Variants in VPS54 observed in about 807,000 individuals in gnomAD.
VPS54 encodes vacuolar protein sorting-associated protein 54.
Under a neutral mutation model 121.5 loss-of-function variants are expected in VPS54, and 45 were observed. That is an observed-to-expected ratio of 0.37 (90% CI 0.29 to 0.47). The LOEUF (loss-of-function observed/expected upper bound fraction) is 0.47, where lower values mean the gene tolerates loss of function less well. Among genes scored for constraint, VPS54 ranks in the 20% least tolerant of loss-of-function variants. The pLI, the probability that VPS54 is intolerant of heterozygous loss-of-function variation, is 0.99. For missense variants in VPS54, 1,090 were observed against 1,131.4 expected, an observed-to-expected ratio of 0.96 and a Z score of 0.52; for synonymous variants, 371 against 385.8, an observed-to-expected ratio of 0.96 and a Z score of 0.45.
At chr2:64,004,627 A>G (rs1213663405) in intron 1 of VPS54, among the ~76,000 whole-genome samples, 1 of 152,238 alleles carries the variant, frequency 6.6e-6, no homozygotes, top group Non-Finnish European at 1.5e-5. Flanking sequence ...ATCAGGAGTT[A>G]AGCTTTATTG....
At chr2:63,993,638 CTCGAAGT>C (rs1253805930) in intron 1 of VPS54, among the ~76,000 whole-genome samples, 1 of 152,186 alleles carries the variant, frequency 6.6e-6, no homozygotes, top group African/African-American at 2.4e-5. Context: ...TTTAAATCGG[CTCGAAGT>C]TCAAGTCACC....
chr2:63,921,237 C>T lies in VPS54; in HGVS notation c.1838G>A (p.Arg613Gln), dbSNP rs772193651. 2 of 1,609,216 alleles carry T rather than the reference C, an allele frequency of 1.2e-6. No homozygotes were observed. The highest frequency in any genetic ancestry group is 1.7e-6 in the Non-Finnish European group (2 of 1,177,204). Residue 613 changes from arginine (R) to glutamine (Q), a missense_variant, in exon 13 of 23, where the codon CGA becomes CAA. By Grantham distance (43) the Arg-to-Gln change is conservative. Around this residue, in one of 2 missense-constraint regions of VPS54, gnomAD observed 801 missense variants for 757.0 expected, o/e 1.06. Coordinates refer to ENST00000272322, the MANE Select transcript of VPS54 (RefSeq NM_016516.3). ...TCTTGACATGAGAAATTTGACAGCT[C>T]GATCATGGCATATATCTGAGGCACT... ...LYSASDICHDRAVKFLMSRAK... is the reference protein window; with the variant it reads ...LYSASDICHDQAVKFLMSRAK...
At chr2:63,907,749 T>C (rs1298617359) in intron 20 of VPS54, among the ~76,000 whole-genome samples, 1 of 152,112 alleles carries the variant, frequency 6.6e-6, no homozygotes, top group Non-Finnish European at 1.5e-5. Flanking sequence ...AACAACCTAA[T>C]ATTTTTAAAT....
chr2:63,905,632 T>G (rs73937433), intron 20 of VPS54, among the ~76,000 whole-genome samples: 4,148 of 152,196 alleles, frequency 0.027, 198 homozygotes, highest in African/African-American at 0.094. Flanking sequence ...TCCCCACAAA[T>G]TCTTCTTCCA....
chr2:63,965,383 G>A (rs1675946382), intron 6 of VPS54, among the ~76,000 whole-genome samples: 1 of 152,170 alleles, frequency 6.6e-6, no homozygotes, highest in Non-Finnish European at 1.5e-5. Flanking sequence ...GGATGAGGAA[G>A]GAGAATTGCT....
chr2:63,926,612 T>C (rs1673916006), intron 12 of VPS54, among the ~76,000 whole-genome samples: 1 of 152,164 alleles, frequency 6.6e-6, no homozygotes, highest in Admixed American at 6.5e-5. Context: ...CTGAGGTACC[T>C]GGTTCATCTC....
chr2:63,920,426 A>C lies in VPS54; in HGVS notation c.2051+20T>G, dbSNP rs1558991833. The stretch of plus-strand genomic sequence containing the variant: ...GAAAAATGAAAAAATCAAACAACAG[A>C]ATGGACATGGTGATGATACCTGAGC... On this transcript the variant is annotated intron_variant, in intron 14 of 22. Transcript: ENST00000272322. 6.9e-7 allele frequency: 1 copy of C among 1,459,302 alleles called. No individual in the cohort carries two copies. Among genetic ancestry groups the C allele is most frequent in the African/African-American group, 1.5e-5 (1 of 68,096 alleles). 90.4% of individuals were successfully genotyped at this position (1,459,302 alleles called of 1,614,324 possible).
intron 22 of VPS54, among the ~76,000 whole-genome samples, chr2:63,895,158 A>C (rs1026525319): frequency 2.6e-5 from 4 of 152,178 alleles, no homozygotes; most frequent in African/African-American, 9.7e-5. Flanking sequence ...AAATCACATT[A>C]AAAAGTACAG....
chr2:63,910,782 G>A (rs1673116294), intron 20 of VPS54, among the ~76,000 whole-genome samples: 1 of 152,288 alleles, frequency 6.6e-6, no homozygotes, highest in South Asian at 2.1e-4. Flanking sequence ...TCTAGTCACT[G>A]TGACAATTCT....
At chr2:63,897,649 T>A in intron 21 of VPS54, 59 bp from the exon 22 acceptor site, 1 of 998,780 alleles carries the variant, frequency 1.0e-6, no homozygotes. Flanking sequence ...GATATCTGAG[T>A]TATCAATATT....
chr2:63,995,020 T>A (rs775514657), intron 1 of VPS54, among the ~76,000 whole-genome samples: 1 of 152,214 alleles, frequency 6.6e-6, no homozygotes. Context: ...GATAAAGGCA[T>A]TACCCCCATC....
At chr2:63,994,964 T>A (rs1281701257) in intron 1 of VPS54, among the ~76,000 whole-genome samples, 1 of 152,250 alleles carries the variant, frequency 6.6e-6, no homozygotes, top group Non-Finnish European at 1.5e-5. Flanking sequence ...ATCATCATTC[T>A]ACTTTGCATA....
Position 63,933,845 on chromosome 2 carries a change from C to T in VPS54, c.1567G>A (p.Gly523Ser), listed in dbSNP as rs143741801. Residue 523 changes from glycine to serine, a missense_variant, in exon 12 of 23, where the codon GGT becomes AGT. Around this residue, in one of 2 missense-constraint regions of VPS54, gnomAD observed 801 missense variants for 757.0 expected, o/e 1.06. Coordinates refer to ENST00000272322, the MANE Select transcript of VPS54 (RefSeq NM_016516.3). ...HEGMFISDAF[G>S]EGELTPIAVD... ...GCTATAGGTGTTAGCTCACCCTCAC[C>T]GAATGCATCACTTATAAACATGCCT... 92 of 1,613,702 alleles carry T rather than the reference C, an allele frequency of 5.7e-5. No homozygotes were observed. In the African/African-American group the frequency reaches 6.0e-4, roughly 11 times the overall value.
At position 63,892,222 on chromosome 2, in the gene VPS54, A is replaced by G. The variant is rs1672248578; in HGVS notation, c.*1208T>C. On this transcript the variant is annotated 3_prime_UTR_variant, in exon 23 of 23. Transcript: ENST00000272322. Reference sequence around the variant, plus strand: ...ACATACCTCTGTAATGATAAAGGAAAGAAAACAAGCTTTCCTTTTAAGAAA... The same window carrying G: ...ACATACCTCTGTAATGATAAAGGAAGGAAAACAAGCTTTCCTTTTAAGAAA... 6.6e-6 allele frequency: 1 copy of G among 152,216 alleles called. No homozygotes were observed. Among genetic ancestry groups the G allele is most frequent in the Non-Finnish European group, 1.5e-5 (1 of 68,028 alleles). The allele number at this position is 152,216 out of a possible 1,614,324, so 9.4% of individuals were successfully genotyped here. A position where few individuals can be genotyped will look rare whatever the true frequency, so the allele number is the denominator to read the frequency against.
At chr2:63,947,350 A>G in intron 9 of VPS54, 33 bp downstream of exon 9, 1 of 1,501,038 alleles carries the variant, frequency 6.7e-7, no homozygotes, top group African/African-American at 1.4e-5. Context: ...AAGGTTCCAG[A>G]CCAAAATATG....
At position 63,947,450 on chromosome 2, in the gene VPS54, CTTTGT is replaced by C; in HGVS notation, c.1173_1177del (p.Gln392LysfsTer3). 6.5e-7 allele frequency: 1 copy of C among 1,546,904 alleles called. No homozygotes were observed. Among genetic ancestry groups the C allele is most frequent in the Non-Finnish European group, 8.8e-7 (1 of 1,130,550 alleles). ...ATAGATTTCTAAAAAATTAAGCTTT[CTTTGT>C]TTTAAAAGTCCAAATACAAGAGATA... On this transcript the variant is annotated frameshift_variant, in exon 9 of 23. Coordinates refer to ENST00000272322, the MANE Select transcript of VPS54 (RefSeq NM_016516.3). LOFTEE classifies it high-confidence loss of function.
chr2:63,981,285 T>C (rs1226344126), intron 3 of VPS54, among the ~76,000 whole-genome samples: 3 of 152,116 alleles, frequency 2.0e-5, no homozygotes, highest in African/African-American at 7.2e-5. Flanking sequence ...CTCTATAGAA[T>C]TGTATGCAGT....
intron 4 of VPS54, among the ~76,000 whole-genome samples, chr2:63,971,610 C>T (rs1352134039): frequency 2.0e-5 from 3 of 152,192 alleles, no homozygotes; most frequent in Non-Finnish European, 4.4e-5. Context: ...GACTTTAAAA[C>T]ACATGTAATC....
chr2:64,010,442 TTA>T (rs1459895903), intron 1 of VPS54, among the ~76,000 whole-genome samples: 2 of 152,206 alleles, frequency 1.3e-5, no homozygotes, highest in Non-Finnish European at 2.9e-5. Context: ...ACTCAGGAGT[TTA>T]TGTTACCATA....
Sources: gnomAD v4.1 joint callset for allele counts (sites outside exome capture counted in the v4.1 genomes callset) on GRCh38, gnomAD v4.1.1 for gene constraint, gnomAD v4.1.1 regional missense constraint, MANE v1.5 for transcripts, NCBI Gene and HGNC (gene_info 2026-07-23, HGNC 2026-07-21) for gene names.